The following PLCB1 variants were observed in gnomAD, a reference collection of about 807,000 sequenced individuals.
The protein encoded by PLCB1 is 1-phosphatidylinositol 4,5-bisphosphate phosphodiesterase beta-1.
In PLCB1, 46 loss-of-function variants were observed where a neutral mutation model predicts 161.8. That is an observed-to-expected ratio of 0.28 (90% CI 0.22 to 0.36). PLCB1 has a LOEUF of 0.36. Ranked by LOEUF, PLCB1 falls within the 10% of genes least tolerant of loss-of-function variation. The probability of loss-of-function intolerance (pLI) is 1.00; values close to 1 mark genes in which losing one functional copy is unlikely to be tolerated. For missense variants in PLCB1, 1,016 were observed against 1,472.5 expected (o/e 0.69, Z 5.07); for synonymous variants, 517 against 503.7 (o/e 1.03, Z -0.35).
intron 3 of PLCB1, among the ~76,000 whole-genome samples, chr20:8,559,533 AAAC>A (rs1292355096): frequency 2.6e-5 from 4 of 152,000 alleles, no homozygotes. Flanking sequence ...TCAGATTAAA[AAAC>A]AACAAGAAGA....
chr20:8,401,575 G>A lies in PLCB1; in HGVS notation c.246+30125G>A, dbSNP rs527879744. Among the ~76,000 whole-genome samples the A allele has an allele frequency of 9.5e-4, 144 of 152,236 alleles. 1 individual carries two copies. The highest frequency in any genetic ancestry group is 3.3e-3 in the African/African-American group (138 of 41,546). On this transcript the variant is annotated intron_variant, in intron 3 of 31. Transcript: ENST00000338037. Reference sequence around the variant, plus strand: ...TAACAAACAACTCCCAAATGTCAGTGGAATAACACATCAAAAATACATCTC... The same window carrying A: ...TAACAAACAACTCCCAAATGTCAGTAGAATAACACATCAAAAATACATCTC...
At chr20:8,465,026 A>G (rs1981756853) in intron 3 of PLCB1, among the ~76,000 whole-genome samples, 1 of 151,918 alleles carries the variant, frequency 6.6e-6, no homozygotes, top group African/African-American at 2.4e-5. Flanking sequence ...TCATATTATC[A>G]TCTTCTTATT....
At chr20:8,154,774 G>A (rs940387596) in intron 2 of PLCB1, among the ~76,000 whole-genome samples, 3 of 151,980 alleles carry the variant, frequency 2.0e-5, no homozygotes, top group Admixed American at 1.3e-4. Context: ...CCCTTGTGTG[G>A]ACAGTTCTCT....
intron 2 of PLCB1, among the ~76,000 whole-genome samples, chr20:8,278,020 T>C (rs1162808995): frequency 6.6e-6 from 1 of 151,960 alleles, no homozygotes; most frequent in African/African-American, 2.4e-5. Flanking sequence ...CAAAATGAAA[T>C]ATGTACAGAA....
At chr20:8,647,677 T>A (rs1007715597) in intron 5 of PLCB1, among the ~76,000 whole-genome samples, 1 of 152,202 alleles carries the variant, frequency 6.6e-6, no homozygotes, top group African/African-American at 2.4e-5. Context: ...GTAGTCAGGA[T>A]AACAGTTCCC....
chr20:8,340,746 A>C (rs1315861283), intron 2 of PLCB1, among the ~76,000 whole-genome samples: 1 of 152,140 alleles, frequency 6.6e-6, no homozygotes, highest in Non-Finnish European at 1.5e-5. Context: ...TAACACATAG[A>C]GTACCTCCCC....
chr20:8,414,731 G>A (rs1177417822), intron 3 of PLCB1, among the ~76,000 whole-genome samples: 1 of 152,004 alleles, frequency 6.6e-6, no homozygotes, highest in Non-Finnish European at 1.5e-5. Context: ...ATGTAGCTGT[G>A]GAGCATTGGA....
Position 8,145,192 on chromosome 20 carries a change from G to A in PLCB1, c.100-5102G>A, listed in dbSNP as rs145809173. Among the ~76,000 whole-genome samples, 790 of 152,284 alleles carry A rather than the reference G, an allele frequency of 5.2e-3. 7 individuals are homozygous for A. Among genetic ancestry groups the A allele is most frequent in the Middle Eastern group, 0.017 (5 of 294 alleles). On this transcript the variant is annotated intron_variant, in intron 1 of 31. Coordinates refer to ENST00000338037, the MANE Select transcript of PLCB1 (RefSeq NM_015192.4). ...GCTGAGGGCCGTGAGGGAAGGATGT[G>A]TGCCAGGCCTCTCGTCTTGGCTGGT...
At chr20:8,732,704 T>A (rs896828137) in intron 18 of PLCB1, among the ~76,000 whole-genome samples, 3 of 143,734 alleles carry the variant, frequency 2.1e-5, no homozygotes, top group East Asian at 2.0e-4. Context: ...ATGATATATT[T>A]AATATATCAT....
Position 8,220,033 on chromosome 20 carries a change from G to C in PLCB1, c.177+69662G>C, listed in dbSNP as rs73082289. On this transcript the variant is annotated intron_variant, in intron 2 of 31. Transcript: ENST00000338037. Reference sequence around the variant, plus strand: ...AGAATGCAATACATCTTTGATAAATGAATGAGCCCTTATTTGTGGGGTGGT... The same window carrying C: ...AGAATGCAATACATCTTTGATAAATCAATGAGCCCTTATTTGTGGGGTGGT... Among the ~76,000 whole-genome samples the C allele has an allele frequency of 8.1e-3, 1,226 of 152,156 alleles. 12 individuals are homozygous for C. Among genetic ancestry groups the C allele is most frequent in the Admixed American group, 0.014 (215 of 15,278 alleles).
intron 31 of PLCB1, among the ~76,000 whole-genome samples, chr20:8,877,100 T>C (rs7269546): frequency 0.39 from 58,565 of 151,994 alleles, 11,708 homozygotes; most frequent in South Asian, 0.59. Context: ...ACCTAACACC[T>C]TGTTTCACTT....
intron 10 of PLCB1, among the ~76,000 whole-genome samples, chr20:8,688,559 AT>A (rs1990407139): frequency 1.3e-5 from 2 of 152,252 alleles, no homozygotes; most frequent in South Asian, 4.1e-4. Flanking sequence ...ATTTTCCTAC[AT>A]GTGGCTAGCC....
intron 3 of PLCB1, among the ~76,000 whole-genome samples, chr20:8,417,825 G>A (rs567710403): frequency 6.6e-6 from 1 of 152,298 alleles, no homozygotes; most frequent in African/African-American, 2.4e-5. Flanking sequence ...TCTTGTACTT[G>A]TGAATAATAA....
chr20:8,311,840 T>C (rs1348644099), intron 2 of PLCB1, among the ~76,000 whole-genome samples: 2 of 152,180 alleles, frequency 1.3e-5, no homozygotes, highest in African/African-American at 4.8e-5. Context: ...TGGTCTGTAT[T>C]CCACAATTGA....
In PLCB1 at chr20:8,622,169, G is replaced by A. The variant is rs1266844511; in HGVS notation, c.247-6125G>A. On this transcript the variant is annotated intron_variant, in intron 3 of 31. Transcript: ENST00000338037. ...CTCGGGAGGCTGAGGCAGGAGAATC[G>A]CTTGAACCAGGGAGGAAGAGGTTGC... Among the ~76,000 whole-genome samples the A allele has an allele frequency of 7.9e-5, 12 of 151,570 alleles. No homozygotes were observed. The East Asian group carries it at 2.0e-3, about 25-fold the overall frequency.
chr20:8,862,641 TA>T (rs1383662496), intron 31 of PLCB1, among the ~76,000 whole-genome samples: 3 of 152,186 alleles, frequency 2.0e-5, no homozygotes, highest in Non-Finnish European at 4.4e-5. Context: ...AGTTACTGGG[TA>T]ATTTATGATA....
At chr20:8,691,214 T>A (rs1337059242) in intron 10 of PLCB1, among the ~76,000 whole-genome samples, 1 of 152,136 alleles carries the variant, frequency 6.6e-6, no homozygotes, top group Non-Finnish European at 1.5e-5. Flanking sequence ...TTCTATGATA[T>A]AAACATTCAA....
intron 31 of PLCB1, among the ~76,000 whole-genome samples, chr20:8,879,549 A>G (rs1987899266): frequency 6.6e-6 from 1 of 152,184 alleles, no homozygotes; most frequent in Non-Finnish European, 1.5e-5. Flanking sequence ...ATGTATCAGT[A>G]TCATCCCAAT....
chr20:8,703,469 C>G (rs549316995), intron 11 of PLCB1, among the ~76,000 whole-genome samples: 3 of 152,260 alleles, frequency 2.0e-5, no homozygotes, highest in African/African-American at 7.2e-5. Flanking sequence ...TGGGCATCCT[C>G]TACGCTCAAC....
Sources: gnomAD v4.1 joint callset for allele counts (sites outside exome capture counted in the v4.1 genomes callset) on GRCh38, gnomAD v4.1.1 for gene constraint, MANE v1.5 for transcripts, NCBI Gene and HGNC (gene_info 2026-07-23, HGNC 2026-07-21) for gene names.